Variants in BRINP3 observed in about 807,000 individuals in gnomAD.
BRINP3 encodes the protein BMP/retinoic acid-inducible neural-specific protein 3.
Under a neutral mutation model 71.0 loss-of-function variants are expected in BRINP3, and 19 were observed. The ratio of observed to expected loss-of-function variants is 0.27; its 90% CI spans 0.19 to 0.39. BRINP3 has a LOEUF of 0.39. Among genes scored for constraint, BRINP3 ranks in the 10% least tolerant of loss-of-function variants. The probability of loss-of-function intolerance (pLI) is 1.00; values close to 1 mark genes in which losing one functional copy is unlikely to be tolerated. For synonymous variants in BRINP3, 380 were observed against 337.7 expected, an observed-to-expected ratio of 1.13 and a Z score of -1.37; for missense variants, 959 against 940.8, an observed-to-expected ratio of 1.02 and a Z score of -0.25.
At chr1:190,387,287 G>A (rs1463699567) in intron 2 of BRINP3, among the ~76,000 whole-genome samples, 2 of 151,948 alleles carry the variant, frequency 1.3e-5, no homozygotes, top group African/African-American at 4.8e-5. Flanking sequence ...AGAGGATGGA[G>A]GAAACTTGGC....
At chr1:190,352,277 A>G (rs1003326190) in intron 2 of BRINP3, among the ~76,000 whole-genome samples, 1 of 152,064 alleles carries the variant, frequency 6.6e-6, no homozygotes, top group African/African-American at 2.4e-5. Context: ...ATTCACAGGA[A>G]TCAGTAAACC....
At chr1:190,197,257 A>C (rs76159429) in intron 6 of BRINP3, among the ~76,000 whole-genome samples, 1,849 of 152,258 alleles carry the variant, frequency 0.012, 32 homozygotes, top group African/African-American at 0.041. Flanking sequence ...CTACAATTCA[A>C]GATGAGATTT....
Position 190,199,964 on chromosome 1 carries a change from T to G in BRINP3, c.961+26118A>C, listed in dbSNP as rs551261357. On this transcript the variant is annotated intron_variant, in intron 6 of 7. Coordinates refer to ENST00000367462, the MANE Select transcript of BRINP3 (RefSeq NM_199051.3). ...AGACTCATTTTCTACCATTTTTCCC[T>G]CTTAGTTTATGATACTGCAGTCCTG... Among the ~76,000 whole-genome samples the G allele has an allele frequency of 1.2e-4, 19 of 152,228 alleles. No homozygotes were observed. The South Asian group carries it at 3.9e-3, about 32-fold the overall frequency.
chr1:190,270,560 G>A (rs1216105030), intron 3 of BRINP3, among the ~76,000 whole-genome samples: 1 of 151,708 alleles, frequency 6.6e-6, no homozygotes, highest in Non-Finnish European at 1.5e-5. Context: ...CATACTCATA[G>A]TAGTACGGTT....
intron 3 of BRINP3, among the ~76,000 whole-genome samples, chr1:190,276,874 G>GA (rs1423549383): frequency 6.7e-6 from 1 of 148,748 alleles, no homozygotes; most frequent in African/African-American, 2.5e-5. Context: ...AATACTTTCA[G>GA]AAAAAAAATT....
intron 4 of BRINP3, among the ~76,000 whole-genome samples, chr1:190,251,063 TAAC>T (rs67830384): frequency 2.8e-4 from 43 of 150,938 alleles, no homozygotes; most frequent in African/African-American, 9.2e-4. Context: ...TAAATAATAA[TAAC>T]AACAACAATA....
At chr1:190,166,403 G>T (rs1284016443) in intron 6 of BRINP3, among the ~76,000 whole-genome samples, 3 of 152,096 alleles carry the variant, frequency 2.0e-5, no homozygotes, top group Non-Finnish European at 4.4e-5. Context: ...TCCCTCACTG[G>T]GTTGCCCTGT....
At chr1:190,174,263 A>T (rs752103878) in intron 6 of BRINP3, among the ~76,000 whole-genome samples, 1 of 152,106 alleles carries the variant, frequency 6.6e-6, no homozygotes, top group African/African-American at 2.4e-5. Flanking sequence ...ATTTTCTCCA[A>T]CATCTAAGTT....
intron 4 of BRINP3, among the ~76,000 whole-genome samples, chr1:190,253,104 A>G (rs1051247501): frequency 6.6e-6 from 1 of 152,112 alleles, no homozygotes; most frequent in Non-Finnish European, 1.5e-5. Flanking sequence ...AAAGGACATG[A>G]ACTCATCATT....
At chr1:190,319,176 C>A (rs1666077261) in intron 2 of BRINP3, among the ~76,000 whole-genome samples, 1 of 152,116 alleles carries the variant, frequency 6.6e-6, no homozygotes. Flanking sequence ...TCATCTAAAT[C>A]CATCCTTTAG....
intron 2 of BRINP3, among the ~76,000 whole-genome samples, chr1:190,396,890 C>T (rs1249468684): frequency 1.6e-5 from 1 of 61,214 alleles, no homozygotes. Context: ...CTTTTCAGTA[C>T]CTAAAACATT....
intron 7 of BRINP3, among the ~76,000 whole-genome samples, chr1:190,152,793 C>A (rs1269274079): frequency 6.6e-6 from 1 of 151,950 alleles, no homozygotes; most frequent in African/African-American, 2.4e-5. Flanking sequence ...TCATTATAGT[C>A]GTACTCTGCC....
chr1:190,447,622 CTATA>C (rs1395222096), intron 2 of BRINP3, among the ~76,000 whole-genome samples: 5 of 144,630 alleles, frequency 3.5e-5, no homozygotes, highest in African/African-American at 1.3e-4. Context: ...CTCTCTCTCT[CTATA>C]TATATATACT....
intron 7 of BRINP3, among the ~76,000 whole-genome samples, chr1:190,137,691 T>C (rs1248119144): frequency 6.6e-6 from 1 of 152,166 alleles, no homozygotes; most frequent in East Asian, 1.9e-4. Context: ...GTCATTATTT[T>C]AAGACTGATG....
Position 190,263,958 on chromosome 1 carries a change from C to T in BRINP3, c.618+907G>A, listed in dbSNP as rs551536864. Among the ~76,000 whole-genome samples the T allele has an allele frequency of 3.3e-5, 5 of 152,234 alleles. No homozygotes were observed. The East Asian group carries it at 9.7e-4, about 29-fold the overall frequency. The stretch of plus-strand genomic sequence containing the variant: ...AGTTTCATAAAGTAATACAACGTTA[C>T]ATTTAATCATTCCTTTTTGTATTGA... On this transcript the variant is annotated intron_variant, in intron 4 of 7. Coordinates refer to ENST00000367462, the MANE Select transcript of BRINP3 (RefSeq NM_199051.3).
intron 3 of BRINP3, among the ~76,000 whole-genome samples, chr1:190,281,124 A>C (rs538585455): frequency 1.3e-4 from 20 of 152,036 alleles, no homozygotes; most frequent in Admixed American, 4.0e-4. Context: ...TACCAGCTAC[A>C]ATCTGTATCA....
At chr1:190,235,375 T>C (rs976402978) in intron 4 of BRINP3, among the ~76,000 whole-genome samples, 4 of 152,068 alleles carry the variant, frequency 2.6e-5, no homozygotes, top group Non-Finnish European at 4.4e-5. Context: ...GATTTAAAAC[T>C]ATTTAAAGCA....
At chr1:190,203,767 ATATATATATATATATAT>A (rs1655231767) in intron 6 of BRINP3, among the ~76,000 whole-genome samples, 1 of 6,940 alleles carries the variant, frequency 1.4e-4, no homozygotes, top group Non-Finnish European at 2.6e-4. Context: ...ATATATATAT[ATATATATATATATATAT>A]ATATATATAT....
At chr1:190,155,359 T>G (rs1372475440) in intron 7 of BRINP3, among the ~76,000 whole-genome samples, 2 of 152,168 alleles carry the variant, frequency 1.3e-5, no homozygotes, top group Admixed American at 1.3e-4. Context: ...TGTACTTCTA[T>G]TCACAACTCT....
Sources: gnomAD v4.1 joint callset for allele counts (sites outside exome capture counted in the v4.1 genomes callset) on GRCh38, gnomAD v4.1.1 for gene constraint, MANE v1.5 for transcripts, NCBI Gene and HGNC (gene_info 2026-07-23, HGNC 2026-07-21) for gene names.